The following GMEB1 variants were observed in gnomAD, a reference collection of about 807,000 sequenced individuals.
The protein encoded by GMEB1 is glucocorticoid modulatory element binding protein 1.
GMEB1 carries 6 observed loss-of-function variants against 52.4 expected under a neutral mutation model. The observed-to-expected ratio is 0.11, with a 90% CI of 0.06 to 0.23. GMEB1 has a LOEUF of 0.23. Ranked by LOEUF, GMEB1 falls within the 10% of genes least tolerant of loss-of-function variation. The pLI, the probability that GMEB1 is intolerant of heterozygous loss-of-function variation, is 1.00. For missense variants in GMEB1, 486 were observed against 685.6 expected (o/e 0.71, Z 3.25); for synonymous variants, 255 against 244.9 (o/e 1.04, Z -0.38).
chr1:28,681,611 T>G (rs747683819), intron 1 of GMEB1, among the ~76,000 whole-genome samples: 12 of 152,092 alleles, frequency 7.9e-5, no homozygotes, highest in Non-Finnish European at 1.6e-4. Context: ...TTTGGGACCA[T>G]TGAGGGAATT....
At chr1:28,674,823 A>G (rs1168823834) in intron 1 of GMEB1, among the ~76,000 whole-genome samples, 1 of 124,050 alleles carries the variant, frequency 8.1e-6, no homozygotes, top group Non-Finnish European at 1.6e-5. Context: ...GGTTCACGCC[A>G]TTCTCCTGCC....
intron 4 of GMEB1, 111 bp downstream of exon 4, chr1:28,691,820 ATT>A: frequency 5.2e-6 from 1 of 190,718 alleles, no homozygotes; most frequent in Non-Finnish European, 1.0e-5. Flanking sequence ...TTATTTATTT[ATT>A]TATTTATTTA....
intron 8 of GMEB1, among the ~76,000 whole-genome samples, chr1:28,705,703 G>C (rs184912432): frequency 6.6e-6 from 1 of 150,414 alleles, no homozygotes; most frequent in Non-Finnish European, 1.5e-5. Context: ...CGCCCGCCTC[G>C]GCCTCCCAAA....
intron 7 of GMEB1, among the ~76,000 whole-genome samples, 185 bp from the exon 8 acceptor site, chr1:28,704,007 C>G (rs1000519712): frequency 1.3e-5 from 2 of 151,416 alleles, no homozygotes; most frequent in Non-Finnish European, 2.9e-5. Context: ...GCTGAAGGGG[C>G]GACATAATTG....
Position 28,714,970 on chromosome 1 carries a change from A to G in GMEB1, c.*197A>G. On this transcript the variant is annotated 3_prime_UTR_variant, in exon 10 of 10. Coordinates refer to ENST00000373816, the MANE Select transcript of GMEB1 (RefSeq NM_001319674.2). ...TGGACAAAACAAGCTGCCCTTCCAGAAGTTGAGAGTAGGTCATTCAATGTC... is the reference window on the plus strand; with the variant it reads ...TGGACAAAACAAGCTGCCCTTCCAGGAGTTGAGAGTAGGTCATTCAATGTC... 2 of 569,580 alleles carry G rather than the reference A, an allele frequency of 3.5e-6. No individual in the cohort carries two copies. The highest frequency in any genetic ancestry group is 6.2e-6 in the Non-Finnish European group (2 of 320,938). The allele number at this position is 569,580 out of a possible 1,614,324, so 35.3% of individuals were successfully genotyped here. A position where few individuals can be genotyped will look rare whatever the true frequency, so the allele number is the denominator to read the frequency against.
intron 6 of GMEB1, among the ~76,000 whole-genome samples, chr1:28,697,906 G>GAGGC (rs1670303107): frequency 6.6e-6 from 1 of 152,002 alleles, no homozygotes; most frequent in African/African-American, 2.4e-5. Flanking sequence ...TTGGGAGGCT[G>GAGGC]AGGCAGGCGG....
intron 1 of GMEB1, among the ~76,000 whole-genome samples, chr1:28,675,460 C>T (rs1669107669): frequency 1.3e-5 from 2 of 151,982 alleles, no homozygotes; most frequent in African/African-American, 4.8e-5. Context: ...GGGCAGATCA[C>T]TTGAGACCAG....
At chr1:28,709,263 C>T (rs1040580903) in intron 8 of GMEB1, among the ~76,000 whole-genome samples, 8 of 152,072 alleles carry the variant, frequency 5.3e-5, no homozygotes, top group South Asian at 2.1e-4. Context: ...GCCAAGATTG[C>T]GCCATTGCAC....
chr1:28,687,934 G>A (rs973002855), intron 2 of GMEB1, among the ~76,000 whole-genome samples: 39 of 152,010 alleles, frequency 2.6e-4, no homozygotes, highest in Middle Eastern at 3.2e-3. Flanking sequence ...TGGGAAAAGG[G>A]AACTTGATGG....
chr1:28,700,018 T>C (rs1449205805), intron 6 of GMEB1, among the ~76,000 whole-genome samples: 1 of 141,654 alleles, frequency 7.1e-6, no homozygotes, highest in East Asian at 2.1e-4. Context: ...ATTGTGCCTC[T>C]GCACTCCAAC....
At chr1:28,674,390 TTTTA>T (rs956784502) in intron 1 of GMEB1, among the ~76,000 whole-genome samples, 7 of 151,974 alleles carry the variant, frequency 4.6e-5, no homozygotes, top group Non-Finnish European at 1.0e-4. Context: ...GAACAGTTAA[TTTTA>T]TTTATTTATT....
In GMEB1 at chr1:28,702,573, T is replaced by C; in HGVS notation, c.730+4T>C. 1 of 1,612,260 alleles carries C rather than the reference T, an allele frequency of 6.2e-7. No individual in the cohort carries two copies. Among genetic ancestry groups the C allele is most frequent in the Non-Finnish European group, 8.5e-7 (1 of 1,178,868 alleles). On this transcript the variant is annotated splice_donor_region_variant and intron_variant, in intron 7 of 9. Transcript: ENST00000373816. The stretch of plus-strand genomic sequence containing the variant: ...AAAGACTCAGAGGAAATTTCAGGTA[T>C]TCTTCTATAGGGCTCAGATGTCTTG...
chr1:28,670,843 TCTTA>T (rs953756784), intron 1 of GMEB1, among the ~76,000 whole-genome samples: 4 of 152,188 alleles, frequency 2.6e-5, no homozygotes, highest in South Asian at 4.1e-4. Context: ...ATATTTAATA[TCTTA>T]CTTAAATGAT....
intron 1 of GMEB1, among the ~76,000 whole-genome samples, chr1:28,680,357 A>G (rs1385274469): frequency 6.6e-6 from 1 of 152,218 alleles, no homozygotes; most frequent in African/African-American, 2.4e-5. Flanking sequence ...AGTTTTGTAG[A>G]TAAAATGTAA....
chr1:28,676,496 G>A (rs1246627655), intron 1 of GMEB1, among the ~76,000 whole-genome samples: 1 of 152,174 alleles, frequency 6.6e-6, no homozygotes. Flanking sequence ...GGGAGGCCAA[G>A]GTGGGTGGAT....
At position 28,714,238 on chromosome 1, in the gene GMEB1, C is replaced by T. The variant is rs753788875; in HGVS notation, c.1157C>T (p.Pro386Leu). 37 of 1,614,094 alleles carry T rather than the reference C, an allele frequency of 2.3e-5. No individual in the cohort carries two copies. The highest frequency in any genetic ancestry group is 1.2e-4 in the Admixed American group (7 of 60,000). Residue 386 changes from proline to leucine, a missense_variant, in exon 10 of 10, where the codon CCT becomes CTT. Coordinates refer to ENST00000373816, the MANE Select transcript of GMEB1 (RefSeq NM_001319674.2). ...ASTTVLSPSP[P>L]VQQPQFTVIS... Reference sequence around the variant, plus strand: ...ACCACTGTCTTGAGCCCTTCTCCTCCTGTCCAGCAGCCTCAGTTCACAGTC... The same window carrying T: ...ACCACTGTCTTGAGCCCTTCTCCTCTTGTCCAGCAGCCTCAGTTCACAGTC...
At chr1:28,669,446 A>T (rs575834524) in intron 1 of GMEB1, among the ~76,000 whole-genome samples, 1 of 152,128 alleles carries the variant, frequency 6.6e-6, no homozygotes, top group South Asian at 2.1e-4. Context: ...GGAGAGCAAG[A>T]GTACAGAGTG....
At chr1:28,688,326 T>C (rs1346127177) in intron 2 of GMEB1, among the ~76,000 whole-genome samples, 2 of 152,162 alleles carry the variant, frequency 1.3e-5, no homozygotes, top group Non-Finnish European at 2.9e-5. Flanking sequence ...CATTTAGCAG[T>C]TGGCTGTGTT....
chr1:28,700,099 G>A (rs1570421645), intron 6 of GMEB1, among the ~76,000 whole-genome samples: 1 of 151,034 alleles, frequency 6.6e-6, no homozygotes, highest in South Asian at 2.1e-4. Context: ...GCCGGGTGCA[G>A]CGGCCCACGC....
Sources: gnomAD v4.1 joint callset for allele counts (sites outside exome capture counted in the v4.1 genomes callset) on GRCh38, gnomAD v4.1.1 for gene constraint, MANE v1.5 for transcripts, NCBI Gene and HGNC (gene_info 2026-07-23, HGNC 2026-07-21) for gene names.